The following CNTNAP2 variants were observed in gnomAD, a reference collection of about 807,000 sequenced individuals.
CNTNAP2 encodes the protein contactin-associated protein-like 2.
Under a neutral mutation model 155.2 loss-of-function variants are expected in CNTNAP2, and 98 were observed. The observed-to-expected ratio is 0.63, with a 90% CI of 0.54 to 0.75. CNTNAP2 has a LOEUF of 0.75. CNTNAP2 is among the 30% of genes least tolerant of loss of function. The pLI is 0.00. For synonymous variants in CNTNAP2, 651 were observed against 631.2 expected (o/e 1.03, Z -0.47); for missense variants, 1,727 against 1,688.1 (o/e 1.02, Z -0.40).
intron 11 of CNTNAP2, among the ~76,000 whole-genome samples, chr7:147,507,445 A>G (rs185323862): frequency 2.0e-5 from 3 of 151,726 alleles, no homozygotes; most frequent in Admixed American, 6.6e-5. Flanking sequence ...CATCTTCTCT[A>G]TATCACTGGA....
intron 3 of CNTNAP2, among the ~76,000 whole-genome samples, chr7:146,872,279 A>G (rs1181724407): frequency 6.6e-6 from 1 of 151,964 alleles, no homozygotes; most frequent in Non-Finnish European, 1.5e-5. Flanking sequence ...CCCCCCAAAA[A>G]ACAAACTTAA....
chr7:148,356,925 C>T (rs1310160892), intron 21 of CNTNAP2, among the ~76,000 whole-genome samples: 1 of 151,902 alleles, frequency 6.6e-6, no homozygotes, highest in Non-Finnish European at 1.5e-5. Flanking sequence ...AAAAACCCTT[C>T]CTCTTCCAAG....
chr7:147,800,144 AGT>A (rs1440867081), intron 13 of CNTNAP2, among the ~76,000 whole-genome samples: 1 of 152,216 alleles, frequency 6.6e-6, no homozygotes, highest in Non-Finnish European at 1.5e-5. Context: ...TTGAGCCAGT[AGT>A]GCCAAATTTT....
intron 1 of CNTNAP2, among the ~76,000 whole-genome samples, chr7:146,483,401 C>A (rs1797008458): frequency 7.2e-6 from 1 of 138,158 alleles, no homozygotes; most frequent in African/African-American, 2.6e-5. Context: ...TTCATTGTTA[C>A]ATAATTTTAC....
chr7:146,542,835 G>A (rs1198986464), intron 1 of CNTNAP2, among the ~76,000 whole-genome samples: 1 of 151,816 alleles, frequency 6.6e-6, no homozygotes, highest in Non-Finnish European at 1.5e-5. Flanking sequence ...TCTCCAATTT[G>A]GAGTGAAGTT....
intron 11 of CNTNAP2, among the ~76,000 whole-genome samples, chr7:147,500,112 G>A (rs1453901972): frequency 1.4e-5 from 2 of 144,548 alleles, no homozygotes; most frequent in Non-Finnish European, 3.1e-5. Context: ...CTGGTAGTAA[G>A]CAGAAGTGAT....
intron 9 of CNTNAP2, among the ~76,000 whole-genome samples, chr7:147,395,307 C>A (rs1796795546): frequency 6.6e-6 from 1 of 151,910 alleles, no homozygotes; most frequent in African/African-American, 2.4e-5. Flanking sequence ...TCTTTGACAG[C>A]AGAGGGACAG....
intron 8 of CNTNAP2, among the ~76,000 whole-genome samples, chr7:147,195,160 C>T (rs878940055): frequency 6.6e-6 from 1 of 152,162 alleles, no homozygotes; most frequent in Admixed American, 6.5e-5. Context: ...TTTCCCATTA[C>T]CATTTACTGA....
chr7:147,474,555 C>G (rs977977696), intron 10 of CNTNAP2, among the ~76,000 whole-genome samples: 13 of 151,786 alleles, frequency 8.6e-5, no homozygotes, highest in African/African-American at 2.7e-4. Flanking sequence ...TGCACTCCAG[C>G]CTGGGGAACA....
intron 8 of CNTNAP2, among the ~76,000 whole-genome samples, chr7:147,261,570 C>G (rs553442141): frequency 6.6e-6 from 1 of 151,432 alleles, no homozygotes; most frequent in Admixed American, 6.6e-5. Flanking sequence ...AAAAAAAAAC[C>G]TACCATGAAG....
At chr7:147,314,105 A>C (rs1299088649) in intron 9 of CNTNAP2, among the ~76,000 whole-genome samples, 2 of 152,140 alleles carry the variant, frequency 1.3e-5, no homozygotes, top group Non-Finnish European at 2.9e-5. Flanking sequence ...ATTTTTGTAC[A>C]TTGATTTTGT....
intron 1 of CNTNAP2, among the ~76,000 whole-genome samples, chr7:146,218,402 G>A (rs911870396): frequency 2.0e-5 from 3 of 151,974 alleles, no homozygotes; most frequent in Admixed American, 6.6e-5. Context: ...CCAGCTACTC[G>A]GGAGGCTGAG....
intron 18 of CNTNAP2, among the ~76,000 whole-genome samples, chr7:148,187,777 G>A (rs1337617334): frequency 6.6e-6 from 1 of 152,120 alleles, no homozygotes; most frequent in Non-Finnish European, 1.5e-5. Flanking sequence ...AAAGGATAAT[G>A]TAAAAATTAT....
chr7:147,350,452 A>T (rs1402366411), intron 9 of CNTNAP2, among the ~76,000 whole-genome samples: 3 of 151,876 alleles, frequency 2.0e-5, no homozygotes, highest in Non-Finnish European at 4.4e-5. Context: ...TTTCCCATAA[A>T]TAATGTATGA....
At position 146,116,865 on chromosome 7, in the gene CNTNAP2, G is replaced by C. The variant is rs1482824545; in HGVS notation, c.-12G>C. 2 of 1,539,374 alleles carry C rather than the reference G, an allele frequency of 1.3e-6. No homozygotes were observed. ...GCGAGCTCTTGGAGCGCCGCCGGCC[G>C]GGAGGCGAAGGATGCAGGCGGCTCC... On this transcript the variant is annotated 5_prime_UTR_variant, in exon 1 of 24. Coordinates refer to ENST00000361727, the MANE Select transcript of CNTNAP2 (RefSeq NM_014141.6). The surrounding 1 kb of genome is among the most constrained non-coding windows in gnomAD (Gnocchi z 5.5).
intron 1 of CNTNAP2, among the ~76,000 whole-genome samples, chr7:146,516,883 A>G (rs1159902152): frequency 6.6e-6 from 1 of 152,060 alleles, no homozygotes; most frequent in African/African-American, 2.4e-5. Context: ...TCTTTCTTGC[A>G]GTGAAAATAA....
At chr7:146,197,535 TA>T (rs1364291550) in intron 1 of CNTNAP2, among the ~76,000 whole-genome samples, 25 of 152,300 alleles carry the variant, frequency 1.6e-4, no homozygotes, top group African/African-American at 5.5e-4. Context: ...GATACTATTT[TA>T]AAATGTACTC....
chr7:146,646,774 T>C (rs547627113), intron 1 of CNTNAP2, among the ~76,000 whole-genome samples: 3 of 152,130 alleles, frequency 2.0e-5, no homozygotes, highest in Non-Finnish European at 4.4e-5. Context: ...CTGTTCATGA[T>C]AATCACATGC....
intron 19 of CNTNAP2, among the ~76,000 whole-genome samples, chr7:148,226,506 C>A (rs1371355968): frequency 1.3e-5 from 2 of 152,176 alleles, no homozygotes; most frequent in Non-Finnish European, 2.9e-5. Context: ...ACATCTGGAG[C>A]TGGTGATCAG....
Sources: gnomAD v4.1 joint callset for allele counts (sites outside exome capture counted in the v4.1 genomes callset) on GRCh38, gnomAD v4.1.1 for gene constraint, Gnocchi (gnomAD v3.1) non-coding constraint, MANE v1.5 for transcripts, NCBI Gene and HGNC (gene_info 2026-07-23, HGNC 2026-07-21) for gene names.